RBMS3: variants seen among roughly 807,000 people sequenced by gnomAD.
RBMS3 encodes RNA binding motif single stranded interacting protein 3, also known as RNA-binding motif, single-stranded-interacting protein 3.
In RBMS3, 27 loss-of-function variants were observed where a neutral mutation model predicts 66.8. That is an observed-to-expected ratio of 0.40 (90% CI 0.30 to 0.56). The LOEUF is 0.56. RBMS3 is among the 20% of genes least tolerant of loss of function. The pLI is 0.40. For synonymous variants in RBMS3, 188 were observed against 183.0 expected (o/e 1.03, Z -0.22); for missense variants, 513 against 549.5 (o/e 0.93, Z 0.66).
intron 3 of RBMS3, among the ~76,000 whole-genome samples, chr3:29,559,459 T>G (rs538964344): frequency 7.7e-6 from 1 of 130,016 alleles, no homozygotes; most frequent in Admixed American, 9.7e-5. Flanking sequence ...TGCAGTGAGC[T>G]GAGTTTGTGC....
intron 4 of RBMS3, among the ~76,000 whole-genome samples, chr3:29,607,265 G>A (rs2048345855): frequency 6.6e-6 from 1 of 151,842 alleles, no homozygotes; most frequent in South Asian, 2.1e-4. Context: ...GGCTGTTATA[G>A]TAAAATGCCA....
At chr3:29,376,354 T>C (rs2038466227) in intron 1 of RBMS3, among the ~76,000 whole-genome samples, 1 of 152,122 alleles carries the variant, frequency 6.6e-6, no homozygotes, top group Admixed American at 6.5e-5. Context: ...AACTTAAAAG[T>C]TGGAAATAAA....
At chr3:29,982,953 G>C (rs1412069120) in intron 12 of RBMS3, among the ~76,000 whole-genome samples, 1 of 152,150 alleles carries the variant, frequency 6.6e-6, no homozygotes, top group African/African-American at 2.4e-5. Flanking sequence ...TTCAAGTCCT[G>C]AATATCCTTG....
chr3:29,399,032 A>G (rs1055093886), intron 1 of RBMS3, among the ~76,000 whole-genome samples: 6 of 152,196 alleles, frequency 3.9e-5, no homozygotes, highest in African/African-American at 1.4e-4. Context: ...AGTGCTAAGC[A>G]GTGTTTCTGG....
chr3:29,771,237 T>C (rs1576756487), intron 6 of RBMS3, among the ~76,000 whole-genome samples: 1 of 152,028 alleles, frequency 6.6e-6, no homozygotes, highest in African/African-American at 2.4e-5. Context: ...AAATCTTTCA[T>C]AGGAAATTGG....
intron 6 of RBMS3, among the ~76,000 whole-genome samples, chr3:29,786,113 A>AT (rs1553667514): frequency 0.085 from 12,764 of 149,674 alleles, 681 homozygotes; most frequent in Non-Finnish European, 0.12. Context: ...AAAAAAAAAA[A>AT]ACTTAGAAAT....
At chr3:29,315,671 T>C (rs73054437) in intron 1 of RBMS3, among the ~76,000 whole-genome samples, 22,629 of 151,746 alleles carry the variant, frequency 0.15, 1,810 homozygotes, top group Middle Eastern at 0.21. Context: ...AACATTAAAC[T>C]TGGTAAATAC....
intron 3 of RBMS3, among the ~76,000 whole-genome samples, chr3:29,561,361 C>T (rs1381892635): frequency 6.6e-6 from 1 of 152,160 alleles, no homozygotes; most frequent in Non-Finnish European, 1.5e-5. Context: ...AATGGCTGAA[C>T]TAATTTACAC....
At chr3:29,976,971 A>AC (rs1373944285) in intron 12 of RBMS3, among the ~76,000 whole-genome samples, 1 of 152,122 alleles carries the variant, frequency 6.6e-6, no homozygotes, top group Admixed American at 6.6e-5. Context: ...GAAATTTTGA[A>AC]CTACTTGCTT....
At chr3:29,452,464 C>G (rs916085562) in intron 2 of RBMS3, among the ~76,000 whole-genome samples, 2 of 152,046 alleles carry the variant, frequency 1.3e-5, no homozygotes, top group African/African-American at 4.8e-5. Flanking sequence ...ATACCAAAAG[C>G]AAGGTTTCTT....
At chr3:29,442,182 TC>T (rs1559364905) in intron 2 of RBMS3, among the ~76,000 whole-genome samples, 1 of 152,144 alleles carries the variant, frequency 6.6e-6, no homozygotes, top group Non-Finnish European at 1.5e-5. Flanking sequence ...CTATTTTGAC[TC>T]ATATGATTAA....
At chr3:29,645,493 C>A (rs2049885292) in intron 4 of RBMS3, among the ~76,000 whole-genome samples, 1 of 152,162 alleles carries the variant, frequency 6.6e-6, no homozygotes, top group Admixed American at 6.5e-5. Context: ...CTGCCTTGAT[C>A]TAGTTAACTT....
chr3:29,909,875 C>T (rs2060474372), intron 10 of RBMS3, among the ~76,000 whole-genome samples: 1 of 152,084 alleles, frequency 6.6e-6, no homozygotes, highest in Admixed American at 6.6e-5. Context: ...TAGCTCAAGA[C>T]ATAATGTATC....
chr3:29,425,578 C>G (rs562310053), intron 1 of RBMS3, among the ~76,000 whole-genome samples: 1 of 152,004 alleles, frequency 6.6e-6, no homozygotes, highest in African/African-American at 2.4e-5. Context: ...GTGGAGGTTG[C>G]AGTGAGCCAA....
intron 14 of RBMS3, among the ~76,000 whole-genome samples, chr3:29,995,417 C>T (rs1699159797): frequency 6.6e-6 from 1 of 152,026 alleles, no homozygotes; most frequent in Admixed American, 6.6e-5. Flanking sequence ...CAGAGAACGC[C>T]ACAAAGATAC....
intron 4 of RBMS3, among the ~76,000 whole-genome samples, chr3:29,630,103 T>C (rs1457647): frequency 0.093 from 14,199 of 152,020 alleles, 1,185 homozygotes; most frequent in East Asian, 0.35. Flanking sequence ...TTTTTCTCTT[T>C]GAATTCTGTT....
At chr3:29,853,907 C>T (rs1459972312) in intron 6 of RBMS3, among the ~76,000 whole-genome samples, 1 of 152,164 alleles carries the variant, frequency 6.6e-6, no homozygotes, top group African/African-American at 2.4e-5. Context: ...TGATCAGCTT[C>T]CCTCAAAGCC....
intron 4 of RBMS3, among the ~76,000 whole-genome samples, chr3:29,670,429 G>A (rs947917207): frequency 2.6e-5 from 4 of 152,168 alleles, no homozygotes; most frequent in African/African-American, 9.7e-5. Context: ...AGCCCACAGA[G>A]TGTGAGCCGA....
chr3:29,584,228 C>T (rs186716803), intron 3 of RBMS3, among the ~76,000 whole-genome samples: 1 of 152,218 alleles, frequency 6.6e-6, no homozygotes, highest in African/African-American at 2.4e-5. Flanking sequence ...CCTCAGAATA[C>T]TTTCTTACCT....
Sources: allele counts gnomAD v4.1 joint callset (sites outside exome capture counted in the v4.1 genomes callset), GRCh38; gene constraint gnomAD v4.1.1; transcripts MANE v1.5; gene names NCBI Gene and HGNC (gene_info 2026-07-23, HGNC 2026-07-21).